DSTYK: variants seen among roughly 807,000 people sequenced by gnomAD.
DSTYK encodes the protein dual serine/threonine and tyrosine protein kinase, also known as RIP-homologous kinase.
A neutral mutation model predicts 98.7 loss-of-function variants in DSTYK; 34 were observed. The ratio of observed to expected loss-of-function variants is 0.34; its 90% CI spans 0.26 to 0.46. The LOEUF (loss-of-function observed/expected upper bound fraction) is 0.46. DSTYK is among the 20% of genes least tolerant of loss of function. DSTYK has a pLI of 1.00. For missense variants in DSTYK, 962 were observed against 1,181.7 expected, an observed-to-expected ratio of 0.81 and a Z score of 2.73; for synonymous variants, 462 against 457.3, an observed-to-expected ratio of 1.01 and a Z score of -0.13.
Position 205,162,110 on chromosome 1 carries a change from C to T in DSTYK, c.1744G>A (p.Ala582Thr), listed in dbSNP as rs1450993604. 6.2e-7 allele frequency: 1 copy of T among 1,614,000 alleles called. No individual in the cohort carries two copies. The highest frequency in any genetic ancestry group is 1.3e-5 in the African/African-American group (1 of 74,914). ...AIESLSASKL[A>T]KSICSQFRTR... Reference sequence around the variant, plus strand: ...CGGAATTGGCTGCAAATGCTCTTAGCCAATTTGGAGGCGCTGAGGCTCTCA... The same window carrying T: ...CGGAATTGGCTGCAAATGCTCTTAGTCAATTTGGAGGCGCTGAGGCTCTCA... Residue 582 changes from alanine (A) to threonine (T), a missense_variant, in exon 6 of 13, where the codon GCT becomes ACT. By Grantham distance (58) the Ala-to-Thr change is moderately conservative (BLOSUM62 0). This residue lies in a region of DSTYK where 660 missense variants were observed against 855.0 expected (regional missense o/e 0.77). Transcript: ENST00000367162.
chr1:205,211,241 C>T (rs1014957717), intron 1 of DSTYK, 30 bp downstream of exon 1: 3 of 1,572,680 alleles, frequency 1.9e-6, no homozygotes, highest in African/African-American at 2.7e-5. Context: ...GCCTCTCCTG[C>T]CCTCTCTCCC....
rs929782871 is a variant in DSTYK at position 205,172,114 on chromosome 1, G to A, written c.655-2282C>T. On this transcript the variant is annotated intron_variant, in intron 2 of 12. Coordinates refer to ENST00000367162, the MANE Select transcript of DSTYK (RefSeq NM_015375.3). ...TGGGATTACAGGCACGCACCACCAC[G>A]CCCGGCTAATTTTTGTATTTTTAGT... Among the ~76,000 whole-genome samples, 6 of 151,840 alleles carry A rather than the reference G, an allele frequency of 4.0e-5. No homozygotes were observed. In the East Asian group the frequency reaches 1.2e-3, roughly 29 times the overall value.
rs1302786589 is a variant in DSTYK, at chr1:205,146,523, G to C, written c.*1035C>G. The C allele has an allele frequency of 6.6e-6, 1 of 151,534 alleles. No individual in the cohort carries two copies. The highest frequency in any genetic ancestry group is 2.4e-5 in the African/African-American group (1 of 41,254). The allele number at this position is 151,534 out of a possible 1,614,324, so 9.4% of individuals were successfully genotyped here. A position where few individuals can be genotyped will look rare whatever the true frequency, so the allele number is the denominator to read the frequency against. On this transcript the variant is annotated 3_prime_UTR_variant, in exon 13 of 13. Coordinates refer to ENST00000367162, the MANE Select transcript of DSTYK (RefSeq NM_015375.3). ...GTATGTCTATATAGATAGAGATATA[G>C]ACACACACACATATATACATATACA...
At chr1:205,165,508 A>G (rs985863026) in intron 3 of DSTYK, among the ~76,000 whole-genome samples, 4 of 152,302 alleles carry the variant, frequency 2.6e-5, no homozygotes, top group African/African-American at 9.6e-5. Flanking sequence ...CAGAGGACAG[A>G]AGAACTTGAG....
rs35775611 is a variant in DSTYK, at chr1:205,181,656, TTGTGTGTGTGTGTGTG to T, written c.654+5746_654+5761del. Among the ~76,000 whole-genome samples the T allele has an allele frequency of 4.9e-5, 7 of 142,644 alleles. No homozygotes were observed. In the East Asian group the frequency reaches 6.2e-4, roughly 13 times the overall value. The allele number at this position is 142,644 out of a possible 152,430, so 93.6% of individuals were successfully genotyped here. A position where few individuals can be genotyped will look rare whatever the true frequency, so the allele number is the denominator to read the frequency against. ...AGATGTGAGCCACAGATGTTGGGGT[TTGTGTGTGTGTGTGTG>T]TGTGTGTGTGTGTGTGTGTGTGTGT... On this transcript the variant is annotated intron_variant, in intron 2 of 12. Coordinates refer to ENST00000367162, the MANE Select transcript of DSTYK (RefSeq NM_015375.3).
intron 1 of DSTYK, among the ~76,000 whole-genome samples, chr1:205,205,094 T>TTACCTTAGAATA (rs1659159997): frequency 6.6e-6 from 1 of 152,166 alleles, no homozygotes; most frequent in African/African-American, 2.4e-5. Context: ...ATCTAAGGTA[T>TTACCTTAGAATA]TACCTTAGAA....
intron 1 of DSTYK, among the ~76,000 whole-genome samples, chr1:205,196,519 G>A (rs1382419407): frequency 1.3e-5 from 2 of 152,018 alleles, no homozygotes; most frequent in Middle Eastern, 3.2e-3. Context: ...ACACTACTGC[G>A]CTCCATCCAG....
rs1394546989 is a variant in DSTYK, at chr1:205,161,360, C to G, written c.1846G>C (p.Glu616Gln). 1.2e-6 allele frequency: 2 copies of G among 1,614,052 alleles called. No homozygotes were observed. Among genetic ancestry groups the G allele is most frequent in the East Asian group, 4.5e-5 (2 of 44,894 alleles). ...QLEAGHSGRL[E>Q]KTEDLWLRVR... is the part of the protein sequence containing the mutation. ...CTCAGCCATAGATCTTCCGTTTTCT[C>G]TAACCGGCCTGAGTGGCCAGCTTCC... is the stretch of plus-strand genomic sequence containing the variant. The change falls in exon 7 of 13, where the codon GAG becomes CAG. Residue 616 changes from glutamate (E) to glutamine (Q), a missense_variant. Physicochemically the swap from Glu to Gln is conservative, Grantham distance 29. Transcript: ENST00000367162.
intron 10 of DSTYK, among the ~76,000 whole-genome samples, chr1:205,156,858 G>A (rs1188510032): frequency 3.3e-5 from 5 of 152,204 alleles, no homozygotes; most frequent in Non-Finnish European, 7.3e-5. Flanking sequence ...TAATCTGCAT[G>A]TGTTGTGGGA....
intron 1 of DSTYK, among the ~76,000 whole-genome samples, chr1:205,210,531 A>ATT (rs1659340551): frequency 6.6e-6 from 1 of 152,202 alleles, no homozygotes; most frequent in South Asian, 2.1e-4. Flanking sequence ...AAGATTAAAG[A>ATT]CTGCACGATT....
At position 205,211,571 on chromosome 1, in the gene DSTYK, C is replaced by G. The variant is rs535352986; in HGVS notation, c.-36G>C. The G allele has an allele frequency of 7.7e-6, 11 of 1,420,728 alleles. No individual in the cohort carries two copies. Among genetic ancestry groups the G allele is most frequent in the Non-Finnish European group, 1.0e-5 (11 of 1,095,694 alleles). 88.0% of individuals were successfully genotyped at this position (1,420,728 alleles called of 1,614,324 possible). On this transcript the variant is annotated 5_prime_UTR_variant, in exon 1 of 13. Coordinates refer to ENST00000367162, the MANE Select transcript of DSTYK (RefSeq NM_015375.3). ...CGCTCTGTCTTTGCGGCTCGGTCCC[C>G]GGCCGCAGGCCCGGCCTCCCTCCTC...
Position 205,145,447 on chromosome 1 carries a change from T to C in DSTYK, c.*2111A>G, listed in dbSNP as rs1457252528. ...ATAGACTCCATTTATACTCCATTAA[T>C]ATTTAAAAGATGGTCATTCTGTCAT... On this transcript the variant is annotated 3_prime_UTR_variant, in exon 13 of 13. Coordinates refer to ENST00000367162, the MANE Select transcript of DSTYK (RefSeq NM_015375.3). 6.6e-6 allele frequency: 1 copy of C among 152,020 alleles called. No homozygotes were observed. The highest frequency in any genetic ancestry group is 1.5e-5 in the Non-Finnish European group (1 of 68,012). The allele number at this position is 152,020 out of a possible 1,614,324, so 9.4% of individuals were successfully genotyped here. A position where few individuals can be genotyped will look rare whatever the true frequency, so the allele number is the denominator to read the frequency against.
At position 205,143,034 on chromosome 1, in the gene DSTYK, A is replaced by G. The variant is rs1657118618; in HGVS notation, c.*4524T>C. ...AACAGTAGTGCTACTGGAAACCTCC[A>G]GGAGAGTTTGGAATACAAGTGTCTC... On this transcript the variant is annotated 3_prime_UTR_variant, in exon 13 of 13. Transcript: ENST00000367162. 6.6e-6 allele frequency: 1 copy of G among 152,224 alleles called. No individual in the cohort carries two copies. Among genetic ancestry groups the G allele is most frequent in the African/African-American group, 2.4e-5 (1 of 41,462 alleles). 9.4% of individuals were successfully genotyped at this position (152,224 alleles called of 1,614,324 possible). A position where few individuals can be genotyped will look rare whatever the true frequency, so the allele number is the denominator to read the frequency against.
At chr1:205,160,058 G>C (rs1262683419) in intron 8 of DSTYK, 56 bp downstream of exon 8, 1 of 1,589,850 alleles carries the variant, frequency 6.3e-7, no homozygotes, top group Non-Finnish European at 8.6e-7. Flanking sequence ...TCTAAACCAG[G>C]GTTCTAGATT....
chr1:205,151,671 G>T (rs1657408831), intron 10 of DSTYK, among the ~76,000 whole-genome samples: 1 of 145,392 alleles, frequency 6.9e-6, no homozygotes, highest in African/African-American at 2.5e-5. Flanking sequence ...TTTCTCTGTT[G>T]TCCAGGCTGG....
intron 2 of DSTYK, among the ~76,000 whole-genome samples, chr1:205,183,839 G>C (rs182164583): frequency 1.3e-5 from 2 of 152,120 alleles, no homozygotes; most frequent in Non-Finnish European, 2.9e-5. Flanking sequence ...TGGATTCCAC[G>C]AAGGTTGCAA....
At chr1:205,168,945 G>A (rs969514690) in intron 3 of DSTYK, among the ~76,000 whole-genome samples, 1 of 152,198 alleles carries the variant, frequency 6.6e-6, no homozygotes, top group Non-Finnish European at 1.5e-5. Flanking sequence ...TTGAGCTAAT[G>A]TTCTTGGGAA....
Position 205,147,497 on chromosome 1 carries a change from C to A in DSTYK, c.*61G>T. On this transcript the variant is annotated 3_prime_UTR_variant, in exon 13 of 13. Coordinates refer to ENST00000367162, the MANE Select transcript of DSTYK (RefSeq NM_015375.3). ...TAGTGAATAAATGTCAAATTCTCCC[C>A]ATGGCCAAAAGGTGAGGGGGAAGGA... 6.4e-7 allele frequency: 1 copy of A among 1,550,466 alleles called. No homozygotes were observed. The highest frequency in any genetic ancestry group is 1.2e-5 in the South Asian group (1 of 84,644).
rs529528565 is a variant in DSTYK at position 205,193,998 on chromosome 1, T to TG, written c.266-6193dup. Among the ~76,000 whole-genome samples, 64 of 152,232 alleles carry TG rather than the reference T, an allele frequency of 4.2e-4. No homozygotes were observed. The East Asian group carries it at 7.7e-3, about 18-fold the overall frequency. On this transcript the variant is annotated intron_variant, in intron 1 of 12. Transcript: ENST00000367162. ...AGAGGACCTGCCACATCCCACACCCTGGGGGAAGGAATGCACATAAAGAGC... is the reference window on the plus strand; with the variant it reads ...AGAGGACCTGCCACATCCCACACCCTGGGGGGAAGGAATGCACATAAAGAGC...
Sources: gnomAD v4.1 joint callset for allele counts (sites outside exome capture counted in the v4.1 genomes callset) on GRCh38, gnomAD v4.1.1 for gene constraint, gnomAD v4.1.1 regional missense constraint, MANE v1.5 for transcripts, NCBI Gene and HGNC (gene_info 2026-07-23, HGNC 2026-07-21) for gene names.